The following RPTOR variants were observed in gnomAD, a reference collection of about 807,000 sequenced individuals.
RPTOR encodes the protein regulatory associated protein of MTOR complex 1, also known as regulatory-associated protein of mTOR.
A neutral mutation model predicts 169.9 loss-of-function variants in RPTOR; 21 were observed. That is an observed-to-expected ratio of 0.12 (90% CI 0.09 to 0.18). The LOEUF is 0.18. Ranked by LOEUF, RPTOR falls within the 10% of genes least tolerant of loss-of-function variation. The pLI, the probability that RPTOR is intolerant of heterozygous loss-of-function variation, is 1.00. For synonymous variants in RPTOR, 732 were observed against 753.2 expected (o/e 0.97, Z 0.46); for missense variants, 1,133 against 1,855.9 (o/e 0.61, Z 7.16).
chr17:80,848,438 A>G (rs1177537252), intron 11 of RPTOR, among the ~76,000 whole-genome samples: 1 of 152,272 alleles, frequency 6.6e-6, no homozygotes, highest in African/African-American at 2.4e-5. Context: ...TCCTGAGATT[A>G]CAGGGTGAGG....
intron 13 of RPTOR, among the ~76,000 whole-genome samples, chr17:80,863,818 G>A (rs1015618311): frequency 6.6e-6 from 1 of 152,220 alleles, no homozygotes; most frequent in Non-Finnish European, 1.5e-5. Flanking sequence ...CATTCAGAAG[G>A]CTGAGGCGGG....
chr17:80,784,251 A>C (rs62944760), intron 6 of RPTOR, among the ~76,000 whole-genome samples: 9,232 of 146,112 alleles, frequency 0.063, 302 homozygotes, highest in Non-Finnish European at 0.081. Flanking sequence ...AAAAAAAAAA[A>C]CACATACTTT....
intron 20 of RPTOR, among the ~76,000 whole-genome samples, chr17:80,894,530 A>G (rs1322986841): frequency 3.9e-5 from 6 of 152,210 alleles, no homozygotes; most frequent in African/African-American, 1.4e-4. Flanking sequence ...CCTGGGTCCT[A>G]CCACCAGGAT....
At chr17:80,821,368 T>C (rs1408431512) in intron 7 of RPTOR, among the ~76,000 whole-genome samples, 1 of 152,240 alleles carries the variant, frequency 6.6e-6, no homozygotes, top group African/African-American at 2.4e-5. Context: ...GCAGTGGGAA[T>C]TGCTGATCAG....
intron 4 of RPTOR, among the ~76,000 whole-genome samples, chr17:80,709,830 C>G (rs896674861): frequency 6.6e-6 from 1 of 152,182 alleles, no homozygotes; most frequent in East Asian, 1.9e-4. Flanking sequence ...CTATCCACTT[C>G]TCTCTGCAGT....
intron 7 of RPTOR, among the ~76,000 whole-genome samples, chr17:80,818,574 G>A (rs879200954): frequency 6.6e-6 from 1 of 152,194 alleles, no homozygotes; most frequent in East Asian, 1.9e-4. Flanking sequence ...GCTGGACTCG[G>A]TTCCACCTTG....
chr17:80,715,960 T>C (rs1416283975), intron 4 of RPTOR, among the ~76,000 whole-genome samples: 3 of 152,240 alleles, frequency 2.0e-5, no homozygotes, highest in African/African-American at 7.2e-5. Flanking sequence ...CTTTATCCAC[T>C]CATTGATTGA....
intron 13 of RPTOR, among the ~76,000 whole-genome samples, chr17:80,862,846 G>A (rs1056879325): frequency 2.0e-5 from 3 of 152,256 alleles, no homozygotes; most frequent in African/African-American, 4.8e-5. Flanking sequence ...CGCAGAGCCT[G>A]CTCAGAGGTT....
At chr17:80,778,095 A>G (rs2066908205) in intron 6 of RPTOR, among the ~76,000 whole-genome samples, 1 of 152,240 alleles carries the variant, frequency 6.6e-6, no homozygotes, top group South Asian at 2.1e-4. Context: ...ATCATATAAC[A>G]ACTCTGAAAA....
intron 10 of RPTOR, 96 bp from the exon 11 acceptor site, chr17:80,846,377 G>T: frequency 1.6e-6 from 2 of 1,274,934 alleles, no homozygotes; most frequent in East Asian, 2.3e-5. Context: ...CGGGCCCTTC[G>T]TGAAGGCTTG....
Position 80,893,687 on chromosome 17 carries a change from C to A in RPTOR, c.2243-20C>A. On this transcript the variant is annotated intron_variant, in intron 19 of 33. Transcript: ENST00000306801. ...GAGGGTCCCGGGAGCACCCCACTGA[C>A]CCCGTTGCGTCTCGGGCAGCTGGTG... 6.2e-7 allele frequency: 1 copy of A among 1,605,330 alleles called. No individual in the cohort carries two copies. The highest frequency in any genetic ancestry group is 1.1e-5 in the South Asian group (1 of 90,512).
intron 24 of RPTOR, among the ~76,000 whole-genome samples, chr17:80,932,222 G>A (rs990468459): frequency 2.0e-5 from 3 of 151,768 alleles, no homozygotes; most frequent in Non-Finnish European, 4.4e-5. Context: ...GAAATTAGGA[G>A]AGGCTGGGCA....
At position 80,665,435 on chromosome 17, in the gene RPTOR, T is replaced by TG. The variant is rs2065763453; in HGVS notation, c.348+21625_348+21626insG. ...TTCCTTTCCTTTCCTTTCCTTTCCT[T>TG]TCCTTTCCTTTCCTTTCCTTTCCTT... On this transcript the variant is annotated intron_variant, in intron 3 of 33. Coordinates refer to ENST00000306801, the MANE Select transcript of RPTOR (RefSeq NM_020761.3). Among the ~76,000 whole-genome samples, 3 of 17,634 alleles carry TG rather than the reference T, an allele frequency of 1.7e-4. 1 individual carries two copies. The highest frequency in any genetic ancestry group is 1.7e-3 in the African/African-American group (3 of 1,812). 11.6% of individuals were successfully genotyped at this position (17,634 alleles called of 152,430 possible).
At position 80,721,350 on chromosome 17, in the gene RPTOR, A is replaced by T. The variant is rs940081158; in HGVS notation, c.508-9210A>T. Among the ~76,000 whole-genome samples, 1 of 151,402 alleles carries T rather than the reference A, an allele frequency of 6.6e-6. No homozygotes were observed. The highest frequency in any genetic ancestry group is 1.5e-5 in the Non-Finnish European group (1 of 68,014). On this transcript the variant is annotated intron_variant, in intron 4 of 33. Coordinates refer to ENST00000306801, the MANE Select transcript of RPTOR (RefSeq NM_020761.3). The surrounding 1 kb of genome is among the most constrained non-coding windows in gnomAD (Gnocchi z 4.7). ...CGCGGCGGAAGTGCAAGCGGGAAAA[A>T]GGATGGCAAGTTGAGTAACCTCAGG...
intron 9 of RPTOR, among the ~76,000 whole-genome samples, chr17:80,837,172 T>C (rs1441375599): frequency 6.6e-6 from 1 of 151,872 alleles, no homozygotes; most frequent in Non-Finnish European, 1.5e-5. Context: ...TCGGTTACTG[T>C]GACAAGGGGT....
chr17:80,909,969 T>G (rs1224200486), intron 21 of RPTOR: 2 of 152,212 alleles, frequency 1.3e-5, no homozygotes, highest in Non-Finnish European at 2.9e-5. Flanking sequence ...CTCTTCTCAG[T>G]CCCTTTTGTG....
chr17:80,939,644 C>G (rs1002302176), intron 24 of RPTOR, among the ~76,000 whole-genome samples: 6 of 152,318 alleles, frequency 3.9e-5, no homozygotes, highest in Middle Eastern at 3.4e-3. Flanking sequence ...CCCACACTCT[C>G]TCGGGGCCCG....
At chr17:80,581,531 ATACCGCACATCGGG>A (rs2065013536) in intron 1 of RPTOR, among the ~76,000 whole-genome samples, 1 of 134,244 alleles carries the variant, frequency 7.4e-6, no homozygotes, top group African/African-American at 2.9e-5. Context: ...TCTGCAGTGG[ATACCGCACATCGGG>A]CCAGTGCATG....
intron 5 of RPTOR, among the ~76,000 whole-genome samples, chr17:80,750,502 C>T (rs908680321): frequency 2.0e-5 from 3 of 152,144 alleles, no homozygotes; most frequent in Non-Finnish European, 4.4e-5. Flanking sequence ...GCGTTTCCAC[C>T]AAGCGCAGGA....
Sources: allele counts gnomAD v4.1 joint callset (sites outside exome capture counted in the v4.1 genomes callset), GRCh38; gene constraint gnomAD v4.1.1; non-coding constraint Gnocchi (gnomAD v3.1); transcripts MANE v1.5; gene names NCBI Gene and HGNC (gene_info 2026-07-23, HGNC 2026-07-21).